DLGAP2: variants seen among roughly 807,000 people sequenced by gnomAD.
DLGAP2 encodes DLG associated protein 2.
A neutral mutation model predicts 100.3 loss-of-function variants in DLGAP2; 26 were observed. That is an observed-to-expected ratio of 0.26 (90% CI 0.19 to 0.36). The LOEUF (loss-of-function observed/expected upper bound fraction) is 0.36, where lower values mean the gene tolerates loss of function less well. Among genes scored for constraint, DLGAP2 ranks in the 10% least tolerant of loss-of-function variants. The probability of loss-of-function intolerance (pLI) is 1.00; values close to 1 mark genes in which losing one functional copy is unlikely to be tolerated. For missense variants in DLGAP2, 1,858 were observed against 1,453.2 expected (o/e 1.28, Z -4.53); for synonymous variants, 886 against 630.1 (o/e 1.41, Z -6.08).
At chr8:1,204,055 C>T (rs1185199673) in intron 2 of DLGAP2, among the ~76,000 whole-genome samples, 1 of 152,224 alleles carries the variant, frequency 6.6e-6, no homozygotes, top group Non-Finnish European at 1.5e-5. Context: ...CTGAGGATCT[C>T]AGGAGAATGC....
At chr8:1,037,426 C>G (rs1802164178) in intron 2 of DLGAP2, among the ~76,000 whole-genome samples, 1 of 152,160 alleles carries the variant, frequency 6.6e-6, no homozygotes, top group Non-Finnish European at 1.5e-5. Context: ...AGGGGCCTCT[C>G]TCCACAGCTC....
rs75675647 is a variant in DLGAP2 at position 1,259,257 on chromosome 8, C to T, written c.106+374C>T. 6.6e-3 allele frequency among the ~76,000 whole-genome samples: 999 copies of T among 152,300 alleles called. 21 individuals are homozygous for T. In the East Asian group the frequency reaches 0.07, roughly 11 times the overall value. On this transcript the variant is annotated intron_variant, in intron 3 of 14. Coordinates refer to ENST00000637795, the MANE Select transcript of DLGAP2 (RefSeq NM_001346810.2). ...CGCAGGCTGAGTCGGATCTGGGAAG[C>T]CCTTCCCGACTGTCGGTGGCTCAGC...
At chr8:810,085 TC>T (rs1332756757) in intron 1 of DLGAP2, among the ~76,000 whole-genome samples, 1 of 152,204 alleles carries the variant, frequency 6.6e-6, no homozygotes, top group Non-Finnish European at 1.5e-5. Flanking sequence ...TCTGTGTCCA[TC>T]CCTTTCTAAC....
At chr8:764,971 C>A (rs1821174420) in intron 1 of DLGAP2, among the ~76,000 whole-genome samples, 1 of 152,130 alleles carries the variant, frequency 6.6e-6, no homozygotes, top group Non-Finnish European at 1.5e-5. Context: ...TTCAATAAAG[C>A]TTGTGGCTGT....
At chr8:1,220,604 T>C (rs1323458462) in intron 2 of DLGAP2, among the ~76,000 whole-genome samples, 1 of 152,198 alleles carries the variant, frequency 6.6e-6, no homozygotes, top group South Asian at 2.1e-4. Flanking sequence ...ATTCTGTAGA[T>C]ATCTATTAGG....
intron 1 of DLGAP2, among the ~76,000 whole-genome samples, chr8:870,965 C>G (rs904749838): frequency 6.6e-6 from 1 of 152,194 alleles, no homozygotes; most frequent in Admixed American, 6.5e-5. Context: ...CTGTGGTAGA[C>G]GTATCTGGCA....
intron 6 of DLGAP2, among the ~76,000 whole-genome samples, chr8:1,601,970 G>T (rs1375446103): frequency 6.6e-6 from 1 of 151,896 alleles, no homozygotes; most frequent in Admixed American, 6.6e-5. Flanking sequence ...GTGTGTGTGT[G>T]TGTGTGTGTG....
chr8:1,020,373 C>T (rs1040604874), intron 2 of DLGAP2, among the ~76,000 whole-genome samples: 4 of 152,222 alleles, frequency 2.6e-5, no homozygotes, highest in South Asian at 2.1e-4. Context: ...TTCAATGGTT[C>T]TGGTTGATTC....
In DLGAP2 at chr8:1,703,285, C is replaced by T. The variant is rs1364778541; in HGVS notation, c.*1879C>T. ...GAAGCAAAAATCAGTACGAATGTAT[C>T]TCCTTGAAAAATGCAAAAAAAAAAA... On this transcript the variant is annotated 3_prime_UTR_variant, in exon 15 of 15. Transcript: ENST00000637795. 2.0e-5 allele frequency: 3 copies of T among 148,828 alleles called. No individual in the cohort carries two copies. Among genetic ancestry groups the T allele is most frequent in the African/African-American group, 5.0e-5 (2 of 40,140 alleles). 9.2% of individuals were successfully genotyped at this position (148,828 alleles called of 1,614,324 possible).
intron 3 of DLGAP2, among the ~76,000 whole-genome samples, chr8:1,478,534 G>A (rs565256115): frequency 2.4e-4 from 36 of 152,210 alleles, no homozygotes; most frequent in African/African-American, 6.3e-4. Flanking sequence ...TCTCTCCATC[G>A]ACACCATAGA....
At chr8:1,332,568 G>A (rs893591347) in intron 3 of DLGAP2, among the ~76,000 whole-genome samples, 2 of 152,282 alleles carry the variant, frequency 1.3e-5, no homozygotes, top group South Asian at 2.1e-4. Context: ...TGCTATGACG[G>A]AGCTTCCCTG....
intron 6 of DLGAP2, among the ~76,000 whole-genome samples, chr8:1,567,202 C>T (rs762401495): frequency 7.9e-5 from 12 of 152,224 alleles, no homozygotes; most frequent in Non-Finnish European, 1.6e-4. Context: ...CCCATCTGCT[C>T]CAGCAGGAAA....
At chr8:1,546,943 C>A (rs773108625) in intron 4 of DLGAP2, among the ~76,000 whole-genome samples, 1 of 152,118 alleles carries the variant, frequency 6.6e-6, no homozygotes, top group Non-Finnish European at 1.5e-5. Flanking sequence ...GAGGAGACGG[C>A]CACGCTCAGC....
rs35321538 is a variant in DLGAP2 at position 1,388,927 on chromosome 8, A to G, written c.107-112439A>G. Among the ~76,000 whole-genome samples the G allele has an allele frequency of 1.2e-3, 88 of 72,918 alleles. 1 individual carries two copies. Among genetic ancestry groups the G allele is most frequent in the African/African-American group, 3.1e-3 (54 of 17,196 alleles). The allele number at this position is 72,918 out of a possible 152,430, so 47.8% of individuals were successfully genotyped here. ...GAGAGGCAGATGCCGTGGATGAGGA[A>G]GCGCTGGTTCAAGTGTCAGGGCTGT... On this transcript the variant is annotated intron_variant, in intron 3 of 14. Transcript: ENST00000637795.
chr8:1,257,611 C>T (rs1397823958), intron 2 of DLGAP2, among the ~76,000 whole-genome samples: 1 of 152,244 alleles, frequency 6.6e-6, no homozygotes, highest in African/African-American at 2.4e-5. Flanking sequence ...GGGCCCCGGG[C>T]TGTCACGCTG....
At chr8:980,051 C>T (rs1396633242) in intron 2 of DLGAP2, among the ~76,000 whole-genome samples, 1 of 152,200 alleles carries the variant, frequency 6.6e-6, no homozygotes, top group Non-Finnish European at 1.5e-5. Context: ...GTTTTGGCTT[C>T]AGTGACTGGG....
chr8:1,211,918 C>G (rs905141134), intron 2 of DLGAP2, among the ~76,000 whole-genome samples: 1 of 152,170 alleles, frequency 6.6e-6, no homozygotes, highest in East Asian at 1.9e-4. Context: ...TAATTTGCTT[C>G]CATCGCTTTC....
chr8:807,884 C>A (rs1416256617), intron 1 of DLGAP2, among the ~76,000 whole-genome samples: 1 of 152,174 alleles, frequency 6.6e-6, no homozygotes, highest in Non-Finnish European at 1.5e-5. Flanking sequence ...TAAATCACAG[C>A]AGCCGGAGGA....
In DLGAP2 at chr8:986,663, T is replaced by A. The variant is rs917616984; in HGVS notation, c.73+78697T>A. On this transcript the variant is annotated intron_variant, in intron 2 of 14. Transcript: ENST00000637795. ...ACTGCATGTCAAACACTGTATTTGATTTTTTTTTTTTTTTGAGACAGAGTC... is the reference window on the plus strand; with the variant it reads ...ACTGCATGTCAAACACTGTATTTGAATTTTTTTTTTTTTTGAGACAGAGTC... Among the ~76,000 whole-genome samples, 12 of 31,180 alleles carry A rather than the reference T, an allele frequency of 3.8e-4. No individual in the cohort carries two copies. The African/African-American group carries it at 4.7e-3, about 12-fold the overall frequency. 20.5% of individuals were successfully genotyped at this position (31,180 alleles called of 152,430 possible).
Sources: gnomAD v4.1 joint callset for allele counts (sites outside exome capture counted in the v4.1 genomes callset) on GRCh38, gnomAD v4.1.1 for gene constraint, MANE v1.5 for transcripts, NCBI Gene and HGNC (gene_info 2026-07-23, HGNC 2026-07-21) for gene names.